ZFAT: variants seen among roughly 807,000 people sequenced by gnomAD.
The protein encoded by ZFAT is zinc finger and AT-hook domain containing.
In ZFAT, 64 loss-of-function variants were observed where a neutral mutation model predicts 117.7. That is an observed-to-expected ratio of 0.54 (90% CI 0.44 to 0.67). The LOEUF (loss-of-function observed/expected upper bound fraction) is 0.67. Ranked by LOEUF, ZFAT falls within the 30% of genes least tolerant of loss-of-function variation. The pLI is 0.00. For missense variants in ZFAT, 1,433 were observed against 1,584.5 expected (o/e 0.90, Z 1.62); for synonymous variants, 679 against 615.0 (o/e 1.10, Z -1.54).
At chr8:134,603,812 C>A (rs1382578628) in intron 5 of ZFAT, among the ~76,000 whole-genome samples, 4 of 152,260 alleles carry the variant, frequency 2.6e-5, no homozygotes, top group Non-Finnish European at 5.9e-5. Flanking sequence ...TCTCACTCTG[C>A]AGGCAGTAAC....
chr8:134,759,702 G>A, the ZFAT span, among the ~76,000 whole-genome samples: 5 of 152,018 alleles, frequency 3.3e-5, no homozygotes, highest in African/African-American at 9.7e-5. Context: ...CCAGCTGGGC[G>A]CGATGGCTTA....
chr8:134,482,652 G>C (rs1817397410), intron 15 of ZFAT, among the ~76,000 whole-genome samples: 1 of 152,156 alleles, frequency 6.6e-6, no homozygotes, highest in African/African-American at 2.4e-5. Flanking sequence ...TTAGCCTCCA[G>C]GGTTTGTCCA....
chr8:134,523,905 C>T (rs1484985454), intron 12 of ZFAT, among the ~76,000 whole-genome samples: 4 of 152,226 alleles, frequency 2.6e-5, no homozygotes, highest in Non-Finnish European at 4.4e-5. Flanking sequence ...ATGGATTTCC[C>T]TACTTTCAGT....
the ZFAT span, among the ~76,000 whole-genome samples, chr8:134,812,351 CT>C: frequency 6.6e-6 from 1 of 152,172 alleles, no homozygotes; most frequent in Admixed American, 6.5e-5. Context: ...TTATGTTTCA[CT>C]TTTACAAATC....
the ZFAT span, among the ~76,000 whole-genome samples, chr8:134,729,612 A>C: frequency 6.6e-6 from 1 of 152,096 alleles, no homozygotes; most frequent in African/African-American, 2.4e-5. Flanking sequence ...CTACCACCAG[A>C]GTTGGCCAAG....
At chr8:134,769,235 C>T in the ZFAT span, among the ~76,000 whole-genome samples, 1 of 152,150 alleles carries the variant, frequency 6.6e-6, no homozygotes, top group African/African-American at 2.4e-5. Flanking sequence ...AGGCAAGTCC[C>T]TTTCACCTAT....
intron 3 of ZFAT, among the ~76,000 whole-genome samples, chr8:134,615,669 C>T (rs1450650006): frequency 6.6e-6 from 1 of 152,246 alleles, no homozygotes; most frequent in Admixed American, 6.5e-5. Flanking sequence ...TAAGCTAAGA[C>T]TCTGCCCACT....
At chr8:134,830,838 T>TA in the ZFAT span, among the ~76,000 whole-genome samples, 1 of 152,248 alleles carries the variant, frequency 6.6e-6, no homozygotes, top group African/African-American at 2.4e-5. Context: ...CCACAGCTAG[T>TA]ACCTGATTTA....
chr8:134,632,291 C>T (rs2131075451), intron 3 of ZFAT, among the ~76,000 whole-genome samples: 1 of 152,280 alleles, frequency 6.6e-6, no homozygotes, highest in East Asian at 1.9e-4. Flanking sequence ...CTCTAGCTTA[C>T]TTTATTATAA....
At chr8:134,691,538 G>A (rs1833588689) in intron 1 of ZFAT, among the ~76,000 whole-genome samples, 1 of 152,252 alleles carries the variant, frequency 6.6e-6, no homozygotes, top group African/African-American at 2.4e-5. Flanking sequence ...AAGGTGAGGA[G>A]GACGGGTAAG....
chr8:134,689,151 AAC>A (rs1833478837), intron 1 of ZFAT, among the ~76,000 whole-genome samples: 1 of 152,228 alleles, frequency 6.6e-6, no homozygotes, highest in Non-Finnish European at 1.5e-5. Flanking sequence ...ACCAGAGCGT[AAC>A]AGTTTACCAC....
intron 13 of ZFAT, among the ~76,000 whole-genome samples, chr8:134,517,325 G>T (rs532552683): frequency 6.6e-6 from 1 of 152,168 alleles, no homozygotes; most frequent in South Asian, 2.1e-4. Context: ...AATCTACACA[G>T]CAGGGTATTT....
intron 12 of ZFAT, among the ~76,000 whole-genome samples, chr8:134,532,183 G>C (rs1180827490): frequency 6.6e-6 from 1 of 152,182 alleles, no homozygotes; most frequent in African/African-American, 2.4e-5. Flanking sequence ...AAAATGAAGA[G>C]AGGTTTTCAT....
intron 11 of ZFAT, among the ~76,000 whole-genome samples, chr8:134,539,722 A>G (rs1822110279): frequency 6.6e-6 from 1 of 152,122 alleles, no homozygotes; most frequent in South Asian, 2.1e-4. Flanking sequence ...GACCAGTTAT[A>G]CACTGCTGAT....
intron 2 of ZFAT, among the ~76,000 whole-genome samples, chr8:134,641,688 A>C (rs1239083038): frequency 6.6e-6 from 1 of 152,234 alleles, no homozygotes; most frequent in Non-Finnish European, 1.5e-5. Context: ...TGGAGTAGAT[A>C]CAATTAATAA....
chr8:134,753,557 A>G, the ZFAT span, among the ~76,000 whole-genome samples: 48 of 152,208 alleles, frequency 3.2e-4, no homozygotes, highest in Admixed American at 2.2e-3. Flanking sequence ...GTGTCCAAAG[A>G]TATTTATTAC....
intron 11 of ZFAT, chr8:134,564,910 C>A: frequency 8.4e-7 from 1 of 1,189,188 alleles, no homozygotes; most frequent in Non-Finnish European, 1.1e-6. Flanking sequence ...GTGGTGGACA[C>A]TCCCGAACAC....
chr8:134,613,617 C>T (rs961080132), intron 3 of ZFAT, among the ~76,000 whole-genome samples: 2 of 152,148 alleles, frequency 1.3e-5, no homozygotes, highest in African/African-American at 2.4e-5. Context: ...TCCCAATACC[C>T]GTCCCTCCTG....
At chr8:134,670,687 A>G (rs1358144797) in intron 1 of ZFAT, among the ~76,000 whole-genome samples, 1 of 152,248 alleles carries the variant, frequency 6.6e-6, no homozygotes, top group Non-Finnish European at 1.5e-5. Flanking sequence ...GTCACAATTA[A>G]AAGAACTAAA....
Sources: allele counts gnomAD v4.1 joint callset (sites outside exome capture counted in the v4.1 genomes callset), GRCh38; gene constraint gnomAD v4.1.1; transcripts MANE v1.5; gene names NCBI Gene and HGNC (gene_info 2026-07-23, HGNC 2026-07-21).